PKNOX1: variants seen among roughly 807,000 people sequenced by gnomAD.
PKNOX1 encodes the protein homeobox protein PKNOX1.
A neutral mutation model predicts 51.9 loss-of-function variants in PKNOX1; 15 were observed. That is an observed-to-expected ratio of 0.29 (90% confidence interval 0.19 to 0.45). The LOEUF is 0.45. Ranked by LOEUF, PKNOX1 falls within the 20% of genes least tolerant of loss-of-function variation. The pLI is 1.00. For synonymous variants in PKNOX1, 219 were observed against 211.1 expected (o/e 1.04, Z -0.32); for missense variants, 462 against 547.5 (o/e 0.84, Z 1.56).
At position 42,978,491 on chromosome 21, in the gene PKNOX1, T is replaced by TTTTC. The variant is rs1568885058; in HGVS notation, c.-57+3830_-57+3831insCTTT. Among the ~76,000 whole-genome samples, 54 of 147,742 alleles carry TTTTC rather than the reference T, an allele frequency of 3.7e-4. No homozygotes were observed. The Middle Eastern group carries it at 0.018, about 49-fold the overall frequency. On this transcript the variant is annotated intron_variant, in intron 1 of 10. Transcript: ENST00000291547. The stretch of plus-strand genomic sequence containing the variant: ...TTGTTTTTTTCTTTTCTTTTCTTTT[T>TTTTC]TTTTTTTTTTTTGAGATGGAGTCGC...
intron 1 of PKNOX1, among the ~76,000 whole-genome samples, chr21:42,990,136 C>T (rs952213930): frequency 6.6e-6 from 1 of 151,874 alleles, no homozygotes; most frequent in Admixed American, 6.6e-5. Flanking sequence ...ACACAGTGTG[C>T]CTGTAATCCC....
intron 1 of PKNOX1, among the ~76,000 whole-genome samples, chr21:42,996,949 C>T (rs234754): frequency 0.89 from 135,657 of 151,662 alleles, 60,799 homozygotes; most frequent in Non-Finnish European, 0.91. Context: ...GGCACGATCT[C>T]GGCTCACTGC....
Position 43,031,444 on chromosome 21 carries a change from T to C in PKNOX1, c.*1343T>C, listed in dbSNP as rs1043825550. ...CTCCTGCTCACTTGACCACGTGAGA[T>C]TTGGAATAACTGTAGGACTTCTGTT... On this transcript the variant is annotated 3_prime_UTR_variant, in exon 11 of 11. Transcript: ENST00000291547. 6.6e-6 allele frequency: 1 copy of C among 152,236 alleles called. No homozygotes were observed. The highest frequency in any genetic ancestry group is 2.4e-5 in the African/African-American group (1 of 41,450). The allele number at this position is 152,236 out of a possible 1,614,324, so 9.4% of individuals were successfully genotyped here.
At chr21:43,014,211 C>T (rs747525379) in intron 5 of PKNOX1, among the ~76,000 whole-genome samples, 41 of 151,862 alleles carry the variant, frequency 2.7e-4, no homozygotes, top group Non-Finnish European at 4.1e-4. Flanking sequence ...TTAGTAGAGA[C>T]GGGGTTTCAC....
chr21:43,005,583 T>G (rs1451631898), intron 2 of PKNOX1, among the ~76,000 whole-genome samples: 1 of 151,552 alleles, frequency 6.6e-6, no homozygotes, highest in African/African-American at 2.4e-5. Flanking sequence ...CCGCCTGAGC[T>G]CTCCAGTGGC....
At chr21:43,016,271 G>C (rs978733639) in intron 5 of PKNOX1, among the ~76,000 whole-genome samples, 3 of 152,356 alleles carry the variant, frequency 2.0e-5, no homozygotes, top group Admixed American at 2.0e-4. Flanking sequence ...TCTAACCCCA[G>C]ATGCATAGAG....
In PKNOX1 at chr21:42,986,269, A is replaced by G. The variant is rs376620127; in HGVS notation, c.-57+11605A>G. On this transcript the variant is annotated intron_variant, in intron 1 of 10. Coordinates refer to ENST00000291547, the MANE Select transcript of PKNOX1 (RefSeq NM_004571.5). Reference sequence around the variant, plus strand: ...TGTAATTCCAGCACTTTGGGAGGCCAAGGCGGGTGGATCATGAGGTCAGGA... The same window carrying G: ...TGTAATTCCAGCACTTTGGGAGGCCGAGGCGGGTGGATCATGAGGTCAGGA... 5.3e-5 allele frequency among the ~76,000 whole-genome samples: 8 copies of G among 152,050 alleles called. No homozygotes were observed. The South Asian group carries it at 6.2e-4, about 12-fold the overall frequency.
At chr21:42,977,335 C>T (rs1457238388) in intron 1 of PKNOX1, among the ~76,000 whole-genome samples, 2 of 152,130 alleles carry the variant, frequency 1.3e-5, no homozygotes, top group Admixed American at 1.3e-4. Context: ...TCCTAGATGT[C>T]ATCTCCTTCC....
intron 1 of PKNOX1, among the ~76,000 whole-genome samples, chr21:42,982,131 A>C (rs1052386314): frequency 6.6e-6 from 1 of 151,936 alleles, no homozygotes; most frequent in Non-Finnish European, 1.5e-5. Context: ...CACACCACCT[A>C]CCAGGCGCTG....
At position 43,004,438 on chromosome 21, in the gene PKNOX1, C is replaced by T. The variant is rs1978900651; in HGVS notation, c.51+6C>T. 2 of 1,587,206 alleles carry T rather than the reference C, an allele frequency of 1.3e-6. No homozygotes were observed. The highest frequency in any genetic ancestry group is 3.3e-5 in the Admixed American group (2 of 59,946). ...GCTATCAAGATGGGCAACAGGTGAG[C>T]TTGAACTTGATTCTGCATTCTAATT... On this transcript the variant is annotated splice_donor_region_variant and intron_variant, in intron 2 of 10. Coordinates refer to ENST00000291547, the MANE Select transcript of PKNOX1 (RefSeq NM_004571.5).
intron 1 of PKNOX1, among the ~76,000 whole-genome samples, chr21:42,980,875 G>C (rs1245995378): frequency 6.6e-6 from 1 of 152,194 alleles, no homozygotes; most frequent in Non-Finnish European, 1.5e-5. Flanking sequence ...TCAGCTAGAA[G>C]TTTTTGCCTT....
At position 43,001,735 on chromosome 21, in the gene PKNOX1, C is replaced by T. The variant is rs1016917705; in HGVS notation, c.-56-2591C>T. Among the ~76,000 whole-genome samples, 23 of 151,944 alleles carry T rather than the reference C, an allele frequency of 1.5e-4. No individual in the cohort carries two copies. In the South Asian group the frequency reaches 1.7e-3, roughly 11 times the overall value. On this transcript the variant is annotated intron_variant, in intron 1 of 10. Coordinates refer to ENST00000291547, the MANE Select transcript of PKNOX1 (RefSeq NM_004571.5). Reference sequence around the variant, plus strand: ...CAGCACTTTGGGAGGCTGAGGCGGGCGGATCACAAGGTCAGGAGATCGAGA... The same window carrying T: ...CAGCACTTTGGGAGGCTGAGGCGGGTGGATCACAAGGTCAGGAGATCGAGA...
intron 7 of PKNOX1, among the ~76,000 whole-genome samples, chr21:43,020,866 G>A (rs1979719234): frequency 1.3e-5 from 2 of 152,210 alleles, no homozygotes; most frequent in South Asian, 4.1e-4. Context: ...CTGCCTGAGA[G>A]GCCTCTGCAG....
At chr21:42,975,355 G>A (rs901164444) in intron 1 of PKNOX1, among the ~76,000 whole-genome samples, 1 of 151,922 alleles carries the variant, frequency 6.6e-6, no homozygotes, top group Non-Finnish European at 1.5e-5. Context: ...GCAGCCCAGG[G>A]CCGCTCGCTG....
At chr21:43,014,636 A>G (rs1979405710) in intron 5 of PKNOX1, among the ~76,000 whole-genome samples, 1 of 152,208 alleles carries the variant, frequency 6.6e-6, no homozygotes, top group South Asian at 2.1e-4. Context: ...TTAAATAGAG[A>G]CAAGGTCTCA....
intron 1 of PKNOX1, among the ~76,000 whole-genome samples, chr21:42,996,108 G>C (rs1221811118): frequency 6.6e-6 from 1 of 152,086 alleles, no homozygotes; most frequent in Admixed American, 6.5e-5. Context: ...CTAGCTCCGT[G>C]GGAGGCTGAG....
intron 1 of PKNOX1, among the ~76,000 whole-genome samples, chr21:42,985,542 C>T (rs888402968): frequency 1.6e-4 from 24 of 147,524 alleles, no homozygotes; most frequent in Non-Finnish European, 2.4e-4. Context: ...GCCATGTTGG[C>T]CAGGCTGGTC....
intron 1 of PKNOX1, 133 bp from the exon 2 acceptor site, chr21:43,004,193 C>T (rs368167879): frequency 6.2e-5 from 29 of 469,498 alleles, no homozygotes; most frequent in African/African-American, 2.2e-4. Context: ...GCCGAGATCG[C>T]GCCATTGCAC....
At chr21:43,008,475 C>T (rs986826008) in intron 3 of PKNOX1, among the ~76,000 whole-genome samples, 3 of 152,116 alleles carry the variant, frequency 2.0e-5, no homozygotes, top group Non-Finnish European at 4.4e-5. Flanking sequence ...GAATGTCAGA[C>T]TTGTTTAGTA....
Sources: allele counts gnomAD v4.1 joint callset (sites outside exome capture counted in the v4.1 genomes callset), GRCh38; gene constraint gnomAD v4.1.1; transcripts MANE v1.5; gene names NCBI Gene and HGNC (gene_info 2026-07-23, HGNC 2026-07-21).